The following CAMTA1 variants were observed in gnomAD, a reference collection of about 807,000 sequenced individuals.
CAMTA1 encodes calmodulin-binding transcription activator 1.
Under a neutral mutation model 170.9 loss-of-function variants are expected in CAMTA1, and 27 were observed. That is an observed-to-expected ratio of 0.16 (90% confidence interval 0.12 to 0.22). The LOEUF (loss-of-function observed/expected upper bound fraction) is 0.22. CAMTA1 is among the 10% of genes least tolerant of loss of function. CAMTA1 has a pLI of 1.00. For missense variants in CAMTA1, 1,619 were observed against 2,217.2 expected (o/e 0.73, Z 5.42); for synonymous variants, 833 against 891.5 (o/e 0.93, Z 1.17).
intron 5 of CAMTA1, among the ~76,000 whole-genome samples, chr1:7,295,232 CT>C (rs377246766): frequency 3.3e-4 from 50 of 152,296 alleles, no homozygotes; most frequent in African/African-American, 1.2e-3. Flanking sequence ...ATGGACAATG[CT>C]GGGAACAGTG....
At chr1:6,949,303 T>C (rs545981456) in intron 3 of CAMTA1, among the ~76,000 whole-genome samples, 1 of 152,332 alleles carries the variant, frequency 6.6e-6, no homozygotes, top group African/African-American at 2.4e-5. Flanking sequence ...TGGGGCCAGA[T>C]CCCACATAGG....
At chr1:7,189,685 G>A (rs993382687) in intron 4 of CAMTA1, among the ~76,000 whole-genome samples, 5 of 152,182 alleles carry the variant, frequency 3.3e-5, no homozygotes, top group African/African-American at 1.2e-4. Context: ...ACTGCTGGTG[G>A]GAATGTAAAC....
intron 3 of CAMTA1, among the ~76,000 whole-genome samples, chr1:6,990,785 GTC>G (rs373182830): frequency 0.23 from 33,086 of 141,146 alleles, 3,799 homozygotes; most frequent in African/African-American, 0.26. Flanking sequence ...CTCTCTCTCT[GTC>G]TCTCTCTCTC....
chr1:6,806,797 A>G (rs982573903), intron 1 of CAMTA1, among the ~76,000 whole-genome samples: 2 of 152,228 alleles, frequency 1.3e-5, no homozygotes, highest in Non-Finnish European at 2.9e-5. Context: ...ATATTTATCA[A>G]AGAGTTAGGA....
At chr1:6,930,627 C>T (rs1305091575) in intron 3 of CAMTA1, among the ~76,000 whole-genome samples, 1 of 152,134 alleles carries the variant, frequency 6.6e-6, no homozygotes, top group Non-Finnish European at 1.5e-5. Context: ...CTATGCTGTA[C>T]CCCCCTTTGT....
intron 6 of CAMTA1, among the ~76,000 whole-genome samples, chr1:7,535,982 G>T (rs141881045): frequency 3.3e-5 from 5 of 152,368 alleles, no homozygotes; most frequent in Non-Finnish European, 7.3e-5. Flanking sequence ...TGAAATGCAA[G>T]GTTGCCAAGT....
intron 3 of CAMTA1, among the ~76,000 whole-genome samples, chr1:6,957,791 A>G (rs1689707302): frequency 6.6e-6 from 1 of 152,198 alleles, no homozygotes; most frequent in African/African-American, 2.4e-5. Flanking sequence ...TTTGAGGATT[A>G]TGACGTGGAC....
chr1:7,492,061 G>A (rs1415666748), intron 6 of CAMTA1, among the ~76,000 whole-genome samples: 6 of 152,140 alleles, frequency 3.9e-5, no homozygotes, highest in Admixed American at 3.3e-4. Flanking sequence ...GGGTGGAGTC[G>A]AGGAAACCTG....
Position 7,314,358 on chromosome 1 carries a change from G to A in CAMTA1, c.438+64732G>A, listed in dbSNP as rs1677177602. 2.6e-5 allele frequency among the ~76,000 whole-genome samples: 4 copies of A among 152,316 alleles called. No homozygotes were observed. The South Asian group carries it at 8.3e-4, about 32-fold the overall frequency. On this transcript the variant is annotated intron_variant, in intron 5 of 22. Transcript: ENST00000303635. ...GCCACAGCTCCCAGTGTGGGACATG[G>A]AAGGGGTCCAGGGAGGGCCTTGCAA...
intron 3 of CAMTA1, among the ~76,000 whole-genome samples, chr1:7,004,018 G>T (rs956126010): frequency 6.6e-6 from 1 of 152,208 alleles, no homozygotes; most frequent in Admixed American, 6.5e-5. Context: ...GATGATTTCA[G>T]CACAAGAACG....
intron 3 of CAMTA1, among the ~76,000 whole-genome samples, chr1:6,924,796 G>A (rs1682765889): frequency 1.3e-5 from 2 of 152,166 alleles, no homozygotes; most frequent in Admixed American, 6.5e-5. Flanking sequence ...TTACTATACC[G>A]GGGAATCTAG....
chr1:7,693,047 T>C (rs1174880968), intron 11 of CAMTA1: 2 of 152,254 alleles, frequency 1.3e-5, no homozygotes, highest in Non-Finnish European at 2.9e-5. Context: ...GCCCTTCATA[T>C]ATAGAAAGAA....
At chr1:7,017,641 C>T (rs1700746932) in intron 3 of CAMTA1, among the ~76,000 whole-genome samples, 1 of 152,194 alleles carries the variant, frequency 6.6e-6, no homozygotes, top group Admixed American at 6.5e-5. Context: ...GGCCCTGTCT[C>T]ATTTGTATGC....
At chr1:7,117,111 C>T (rs1445432244) in intron 4 of CAMTA1, among the ~76,000 whole-genome samples, 1 of 152,060 alleles carries the variant, frequency 6.6e-6, no homozygotes, top group Non-Finnish European at 1.5e-5. Flanking sequence ...GCTGGGATTA[C>T]AGGCGCCCGC....
At position 7,663,884 on chromosome 1, in the gene CAMTA1, C is replaced by T. The variant is rs1331903034; in HGVS notation, c.1337C>T (p.Thr446Ile). Residue 446 changes from threonine (T) to isoleucine (I), a missense_variant, in exon 9 of 23, where the codon ACC (threonine) becomes ATC (isoleucine). By Grantham distance (89) the Thr-to-Ile change is moderately conservative. Coordinates refer to ENST00000303635, the MANE Select transcript of CAMTA1 (RefSeq NM_015215.4). ...SSDGHKFAFP[T>I]TGSSESLSML... Reference sequence around the variant, plus strand: ...GATGGCCACAAGTTCGCCTTTCCCACCACGGGCAGCTCGGAGAGCCTGTCC... The same window carrying T: ...GATGGCCACAAGTTCGCCTTTCCCATCACGGGCAGCTCGGAGAGCCTGTCC... 1.2e-6 allele frequency: 2 copies of T among 1,613,934 alleles called. No homozygotes were observed. Among genetic ancestry groups the T allele is most frequent in the East Asian group, 2.2e-5 (1 of 44,884 alleles).
At chr1:7,689,064 C>G (rs1038981503) in intron 11 of CAMTA1, among the ~76,000 whole-genome samples, 2 of 151,976 alleles carry the variant, frequency 1.3e-5, no homozygotes, top group African/African-American at 4.8e-5. Flanking sequence ...GAGTTCAAGA[C>G]CAGCCTGGCC....
chr1:7,648,511 G>T (rs1371139489), intron 7 of CAMTA1, among the ~76,000 whole-genome samples: 3 of 152,222 alleles, frequency 2.0e-5, no homozygotes, highest in Non-Finnish European at 4.4e-5. Flanking sequence ...GAGAGAGGGG[G>T]TGTTGTTAGA....
chr1:7,587,342 ATCTT>A (rs2095319592), intron 6 of CAMTA1, among the ~76,000 whole-genome samples: 1 of 151,796 alleles, frequency 6.6e-6, no homozygotes, highest in Admixed American at 6.5e-5. Context: ...GAAAGGGTGA[ATCTT>A]TCCTTCCTAA....
chr1:6,997,540 A>G (rs545345614), intron 3 of CAMTA1, among the ~76,000 whole-genome samples: 1 of 151,668 alleles, frequency 6.6e-6, no homozygotes, highest in Non-Finnish European at 1.5e-5. Flanking sequence ...ATTCTGGGAA[A>G]TTCTTGGTTA....
Sources: gnomAD v4.1 joint callset for allele counts (sites outside exome capture counted in the v4.1 genomes callset) on GRCh38, gnomAD v4.1.1 for gene constraint, MANE v1.5 for transcripts, NCBI Gene and HGNC (gene_info 2026-07-23, HGNC 2026-07-21) for gene names.